Variants in SLC34A2 observed in about 807,000 individuals in gnomAD.
SLC34A2 encodes the protein sodium-dependent phosphate transport protein 2B.
A neutral mutation model predicts 50.8 loss-of-function variants in SLC34A2; 41 were observed. That is an observed-to-expected ratio of 0.81 (90% CI 0.63 to 1.05). The LOEUF is 1.05. SLC34A2 is among the 50% of genes least tolerant of loss of function. The pLI, the probability that SLC34A2 is intolerant of heterozygous loss-of-function variation, is 0.00. For synonymous variants in SLC34A2, 401 were observed against 364.2 expected, an observed-to-expected ratio of 1.10 and a Z score of -1.15; for missense variants, 879 against 876.7, an observed-to-expected ratio of 1.00 and a Z score of -0.03.
chr4:25,671,645 C>G lies in SLC34A2; in HGVS notation c.972C>G (p.Ser324=). The part of the protein sequence containing the change: ...VTVPSTANCT[S]PSLCWTDGIQ... The stretch of plus-strand genomic sequence containing the variant: ...TTCCCTCGACTGCTAACTGCACCTC[C>G]CCTTCCCTCTGTTGGACGGATGGCA... The change falls in exon 9 of 13, where the codon TCC becomes TCG. Residue 324 remains serine, a synonymous_variant. Transcript: ENST00000382051. 1 of 1,614,188 alleles carries G rather than the reference C, an allele frequency of 6.2e-7. No individual in the cohort carries two copies.
At chr4:25,661,757 T>C (rs913956467) in intron 1 of SLC34A2, among the ~76,000 whole-genome samples, 6 of 152,180 alleles carry the variant, frequency 3.9e-5, no homozygotes, top group Non-Finnish European at 8.8e-5. Context: ...AGGTTTTGCA[T>C]AGATTTGCAG....
rs773901723 is a variant in SLC34A2, at chr4:25,667,930, A to G, written c.574A>G (p.Thr192Ala). The G allele has an allele frequency of 3.7e-6, 6 of 1,614,080 alleles. No homozygotes were observed. Among genetic ancestry groups the G allele is most frequent in the Non-Finnish European group, 5.1e-6 (6 of 1,179,930 alleles). ...IPIIMGANIG[T>A]SITNTIVALM... ...CATTATCATGGGGGCCAACATTGGA[A>G]CGTCAATCACCAACACTATTGTTGC... The change falls in exon 6 of 13, where the codon ACG becomes GCG. Residue 192 changes from threonine to alanine, a missense_variant. Physicochemically the swap from Thr to Ala is moderately conservative, Grantham distance 58. Transcript: ENST00000382051.
intron 5 of SLC34A2, among the ~76,000 whole-genome samples, chr4:25,666,497 G>A (rs1041333421): frequency 3.9e-5 from 6 of 152,208 alleles, no homozygotes; most frequent in Non-Finnish European, 8.8e-5. Flanking sequence ...GGAGTTCTCA[G>A]CTCTGAATTC....
chr4:25,675,541 A>G (rs1056610564), intron 12 of SLC34A2, among the ~76,000 whole-genome samples: 5 of 152,238 alleles, frequency 3.3e-5, no homozygotes, highest in African/African-American at 1.2e-4. Context: ...GTCATCCTAA[A>G]ATTTTTTAGT....
rs866751244 is a variant in SLC34A2 at position 25,678,482 on chromosome 4, G to A, written c.*1733G>A. 6.6e-5 allele frequency: 11 copies of A among 167,544 alleles called. No homozygotes were observed. The highest frequency in any genetic ancestry group is 1.2e-4 in the African/African-American group (5 of 41,824). 10.4% of individuals were successfully genotyped at this position (167,544 alleles called of 1,614,324 possible). On this transcript the variant is annotated 3_prime_UTR_variant, in exon 13 of 13. Transcript: ENST00000382051. Reference sequence around the variant, plus strand: ...CTCTGTATATATGTAAGTTAAACCCGGGCAGGGGCTGTGGCCGTCTTTGTA... The same window carrying A: ...CTCTGTATATATGTAAGTTAAACCCAGGCAGGGGCTGTGGCCGTCTTTGTA...
chr4:25,663,202 C>G (rs906744864), intron 3 of SLC34A2, among the ~76,000 whole-genome samples: 1 of 152,130 alleles, frequency 6.6e-6, no homozygotes, highest in Non-Finnish European at 1.5e-5. Context: ...GATCCACCCT[C>G]CTCGACCTTC....
chr4:25,656,844 G>T (rs1713908061), intron 1 of SLC34A2, among the ~76,000 whole-genome samples: 1 of 152,158 alleles, frequency 6.6e-6, no homozygotes, highest in African/African-American at 2.4e-5. Context: ...GCCCCAGGGG[G>T]TTTCTGTGTT....
rs67542457 is a variant in SLC34A2, at chr4:25,678,687, AT to A, written c.*1957del. 48,697 of 322,408 alleles carry A rather than the reference AT, an allele frequency of 0.15. 357 individuals carry two copies. Among genetic ancestry groups the A allele is most frequent in the Middle Eastern group, 0.21 (214 of 1,020 alleles). 20.0% of individuals were successfully genotyped at this position (322,408 alleles called of 1,614,324 possible). A position where few individuals can be genotyped will look rare whatever the true frequency, so the allele number is the denominator to read the frequency against. ...TGAGCCACCACCAGGCCTGATTGTA[AT>A]TTTTTTTTTTTTTTTTTTACTGGTT... On this transcript the variant is annotated 3_prime_UTR_variant, in exon 13 of 13. Coordinates refer to ENST00000382051, the MANE Select transcript of SLC34A2 (RefSeq NM_006424.3).
chr4:25,669,583 C>CAGG, intron 6 of SLC34A2, 64 bp from the exon 7 acceptor site: 1 of 1,445,716 alleles, frequency 6.9e-7, no homozygotes, highest in Non-Finnish European at 9.7e-7. Flanking sequence ...CAGGTAATGA[C>CAGG]CCACCTCACA....
intron 1 of SLC34A2, among the ~76,000 whole-genome samples, chr4:25,662,016 G>A (rs748899673): frequency 4.6e-5 from 7 of 152,062 alleles, no homozygotes; most frequent in Non-Finnish European, 8.8e-5. Context: ...GGGACTATAG[G>A]CGTGTGCCAC....
At chr4:25,671,487 C>T in intron 8 of SLC34A2, 114 bp from the exon 9 acceptor site, 1 of 1,244,788 alleles carries the variant, frequency 8.0e-7, no homozygotes, top group African/African-American at 1.5e-5. Context: ...CTGTTGGGGC[C>T]ATACTGCATG....
rs79450009 is a variant in SLC34A2, at chr4:25,671,662, C to G, written c.989C>G (p.Thr330Arg). The G allele has an allele frequency of 6.2e-7, 1 of 1,614,148 alleles. No homozygotes were observed. The highest frequency in any genetic ancestry group is 8.5e-7 in the Non-Finnish European group (1 of 1,180,018). The change falls in exon 9 of 13, where the codon ACG becomes AGG. Residue 330 changes from threonine to arginine, a missense_variant. Physicochemically the swap from Thr to Arg is moderately conservative, Grantham distance 71. Coordinates refer to ENST00000382051, the MANE Select transcript of SLC34A2 (RefSeq NM_006424.3). ...ANCTSPSLCW[T>R]DGIQNWTMKN... ...TGCACCTCCCCTTCCCTCTGTTGGACGGATGGCATCCAAAACTGGACCATG... is the reference window on the plus strand; with the variant it reads ...TGCACCTCCCCTTCCCTCTGTTGGAGGGATGGCATCCAAAACTGGACCATG...
intron 5 of SLC34A2, 91 bp downstream of exon 5, chr4:25,666,362 A>C: frequency 6.9e-7 from 1 of 1,439,036 alleles, no homozygotes; most frequent in Non-Finnish European, 9.6e-7. Context: ...TTCACTCTGA[A>C]TATGTCCAGG....
intron 9 of SLC34A2, among the ~76,000 whole-genome samples, chr4:25,672,460 G>GT (rs930448170): frequency 2.0e-5 from 3 of 152,216 alleles, no homozygotes; most frequent in South Asian, 2.1e-4. Flanking sequence ...AAGCTGTAAT[G>GT]TTTTTTCCAA....
intron 12 of SLC34A2, 43 bp from the exon 13 acceptor site, chr4:25,676,092 T>C (rs367764252): frequency 1.3e-5 from 21 of 1,611,646 alleles, no homozygotes; most frequent in African/African-American, 5.3e-5. Context: ...GCCACCCGCA[T>C]TGGGCAACAG....
chr4:25,662,425 G>A, intron 1 of SLC34A2, 73 bp from the exon 2 acceptor site: 2 of 1,365,278 alleles, frequency 1.5e-6, no homozygotes, highest in Non-Finnish European at 2.1e-6. Flanking sequence ...GCAACCAATG[G>A]TTCTTCCTCT....
chr4:25,664,719 G>C (rs1400117298), intron 4 of SLC34A2, among the ~76,000 whole-genome samples: 1 of 152,104 alleles, frequency 6.6e-6, no homozygotes, highest in Non-Finnish European at 1.5e-5. Flanking sequence ...CCCTTGCTGG[G>C]GGAAGGACAG....
intron 4 of SLC34A2, 23 bp from the exon 5 acceptor site, chr4:25,666,105 G>T (rs1714484468): frequency 6.3e-7 from 1 of 1,594,714 alleles, no homozygotes; most frequent in Non-Finnish European, 8.6e-7. Context: ...GATTGTTTTT[G>T]TTTGTTTGTT....
At chr4:25,671,548 C>G in intron 8 of SLC34A2, 53 bp from the exon 9 acceptor site, 3 of 1,613,738 alleles carry the variant, frequency 1.9e-6, no homozygotes, top group South Asian at 1.1e-5. Flanking sequence ...CCATTGCCTC[C>G]CATTCCCCAC....
Sources: allele counts gnomAD v4.1 joint callset (sites outside exome capture counted in the v4.1 genomes callset), GRCh38; gene constraint gnomAD v4.1.1; transcripts MANE v1.5; gene names NCBI Gene and HGNC (gene_info 2026-07-23, HGNC 2026-07-21).